The following IQCH variants were observed in gnomAD, a reference collection of about 807,000 sequenced individuals.
IQCH encodes the protein IQ motif containing H, also known as IQ domain-containing protein H.
In IQCH, 98 loss-of-function variants were observed where a neutral mutation model predicts 117.0. The observed-to-expected ratio is 0.84, with a 90% CI of 0.71 to 0.99. The LOEUF (loss-of-function observed/expected upper bound fraction) is 0.99. Among genes scored for constraint, IQCH ranks in the 50% least tolerant of loss-of-function variants. The pLI, the probability that IQCH is intolerant of heterozygous loss-of-function variation, is 0.00. For synonymous variants in IQCH, 412 were observed against 448.2 expected, an observed-to-expected ratio of 0.92 and a Z score of 1.02; for missense variants, 1,102 against 1,243.8, an observed-to-expected ratio of 0.89 and a Z score of 1.72.
intron 8 of IQCH, among the ~76,000 whole-genome samples, chr15:67,360,271 G>T (rs1970079083): frequency 6.6e-6 from 1 of 152,134 alleles, no homozygotes; most frequent in African/African-American, 2.4e-5. Context: ...GTGCTTATAT[G>T]TGTGCATGCA....
intron 4 of IQCH, among the ~76,000 whole-genome samples, chr15:67,335,298 A>G (rs1968842935): frequency 1.3e-5 from 2 of 152,218 alleles, no homozygotes; most frequent in Non-Finnish European, 2.9e-5. Flanking sequence ...TTGTCAGAGC[A>G]GGTTGTCAGG....
At chr15:67,338,633 A>T (rs1969009969) in intron 5 of IQCH, among the ~76,000 whole-genome samples, 1 of 152,204 alleles carries the variant, frequency 6.6e-6, no homozygotes, top group African/African-American at 2.4e-5. Context: ...TTGAAAAATG[A>T]ACTTCAAACT....
chr15:67,350,487 T>C (rs7496936), intron 6 of IQCH, among the ~76,000 whole-genome samples: 151,208 of 152,198 alleles, frequency 0.99, 75,123 homozygotes, highest in Middle Eastern at 1. Flanking sequence ...AGTGCAGTGG[T>C]GTGATCTCGG....
intron 12 of IQCH, among the ~76,000 whole-genome samples, chr15:67,389,438 G>A (rs769385647): frequency 6.6e-6 from 1 of 151,682 alleles, no homozygotes; most frequent in African/African-American, 2.4e-5. Flanking sequence ...AATTTGGCTC[G>A]ATTTACCATA....
chr15:67,258,228 CTG>C (rs979339239), intron 1 of IQCH, among the ~76,000 whole-genome samples: 10 of 123,226 alleles, frequency 8.1e-5, no homozygotes, highest in East Asian at 2.5e-4. Flanking sequence ...CAGCGAGACT[CTG>C]TGTCAAAAAA....
At chr15:67,375,478 C>T (rs1970705171) in intron 10 of IQCH, among the ~76,000 whole-genome samples, 1 of 152,016 alleles carries the variant, frequency 6.6e-6, no homozygotes, top group Non-Finnish European at 1.5e-5. Flanking sequence ...GTCAAAGAAG[C>T]TAGAAATAGA....
At chr15:67,438,553 C>A (rs372158488) in intron 16 of IQCH, among the ~76,000 whole-genome samples, 4 of 152,166 alleles carry the variant, frequency 2.6e-5, no homozygotes, top group African/African-American at 7.2e-5. Context: ...TGAAACAGTA[C>A]CTCATATTTC....
chr15:67,432,972 T>G lies in IQCH; in HGVS notation c.2505+11395T>G, dbSNP rs1482852363. On this transcript the variant is annotated intron_variant, in intron 16 of 20. Transcript: ENST00000335894. The surrounding 1 kb of genome is among the most constrained non-coding windows in gnomAD (Gnocchi z 5.0). ...CAAGGAAGCTCAATGAGATTTACTT[T>G]TTCTCTTTAGGGAAAGTATTTTATT... is the stretch of plus-strand genomic sequence containing the variant. Among the ~76,000 whole-genome samples, 1 of 152,238 alleles carries G rather than the reference T, an allele frequency of 6.6e-6. No individual in the cohort carries two copies. Among genetic ancestry groups the G allele is most frequent in the Non-Finnish European group, 1.5e-5 (1 of 68,038 alleles).
In IQCH at chr15:67,445,384, T is replaced by C. The variant is rs1258722259; in HGVS notation, c.2506-19743T>C. On this transcript the variant is annotated intron_variant, in intron 16 of 20. Transcript: ENST00000335894. This position sits in a 1 kb window ranked among gnomAD's most constrained non-coding sequence, Gnocchi z 4.3. The stretch of plus-strand genomic sequence containing the variant: ...ATTGCTTCTTTTCTTAAAGACTTTA[T>C]CTTCCCCTGTCATGTTACATTCCTA... 1.3e-5 allele frequency among the ~76,000 whole-genome samples: 2 copies of C among 152,202 alleles called. No homozygotes were observed. The highest frequency in any genetic ancestry group is 2.9e-5 in the Non-Finnish European group (2 of 68,032).
chr15:67,396,268 C>T (rs1037656578), intron 13 of IQCH, among the ~76,000 whole-genome samples: 1 of 152,124 alleles, frequency 6.6e-6, no homozygotes, highest in Non-Finnish European at 1.5e-5. Flanking sequence ...TGCAGAGGGC[C>T]TGTGAACAGA....
At chr15:67,400,718 C>T (rs1971627421) in intron 14 of IQCH, among the ~76,000 whole-genome samples, 1 of 151,154 alleles carries the variant, frequency 6.6e-6, no homozygotes, top group African/African-American at 2.4e-5. Context: ...AGGCTGGTCT[C>T]GAACTCCTGA....
Position 67,459,072 on chromosome 15 carries a change from A to G in IQCH, c.2506-6055A>G, listed in dbSNP as rs1409523556. 6.6e-6 allele frequency among the ~76,000 whole-genome samples: 1 copy of G among 152,238 alleles called. No homozygotes were observed. The highest frequency in any genetic ancestry group is 1.9e-4 in the East Asian group (1 of 5,200). ...ACTATCCCCAGTGAGTGATTAGTTAAGGAAAGTGTGGCCCGGAGAGGCAAC... is the reference window on the plus strand; with the variant it reads ...ACTATCCCCAGTGAGTGATTAGTTAGGGAAAGTGTGGCCCGGAGAGGCAAC... On this transcript the variant is annotated intron_variant, in intron 16 of 20. Coordinates refer to ENST00000335894, the MANE Select transcript of IQCH (RefSeq NM_001031715.3). This position sits in a 1 kb window ranked among gnomAD's most constrained non-coding sequence, Gnocchi z 4.2.
intron 16 of IQCH, among the ~76,000 whole-genome samples, chr15:67,446,872 C>T (rs560356360): frequency 1.2e-4 from 19 of 152,320 alleles, no homozygotes; most frequent in African/African-American, 4.1e-4. Flanking sequence ...TGTTAAGTGA[C>T]TTGCCCGAAG....
chr15:67,415,128 G>C (rs1189585610), intron 14 of IQCH, among the ~76,000 whole-genome samples: 3 of 152,162 alleles, frequency 2.0e-5, no homozygotes, highest in African/African-American at 7.2e-5. Flanking sequence ...AACAAAGAAG[G>C]GGTCCGGGTT....
Position 67,443,397 on chromosome 15 carries a change from A to T in IQCH, c.2506-21730A>T, listed in dbSNP as rs2082324984. Among the ~76,000 whole-genome samples, 1 of 152,172 alleles carries T rather than the reference A, an allele frequency of 6.6e-6. No individual in the cohort carries two copies. The highest frequency in any genetic ancestry group is 2.4e-5 in the African/African-American group (1 of 41,432). Reference sequence around the variant, plus strand: ...GCTATGAGGATTCAAAGGCATAAGAATGATACAATCGACTTTGGGGACTTG... The same window carrying T: ...GCTATGAGGATTCAAAGGCATAAGATTGATACAATCGACTTTGGGGACTTG... On this transcript the variant is annotated intron_variant, in intron 16 of 20. Transcript: ENST00000335894. This position sits in a 1 kb window ranked among gnomAD's most constrained non-coding sequence, Gnocchi z 5.0.
At chr15:67,305,347 A>G (rs1041054676) in intron 4 of IQCH, among the ~76,000 whole-genome samples, 2 of 152,144 alleles carry the variant, frequency 1.3e-5, no homozygotes, top group Middle Eastern at 3.2e-3. Flanking sequence ...TCATTCGTGT[A>G]ACCCTGAAAT....
rs569331251 is a variant in IQCH at position 67,470,685 on chromosome 15, A to G, written c.2677-5011A>G. ...TACATCTTCAACTCTTGTCTTCAAA[A>G]TCAAGTTTAATGGGGTTCTCATTTA... is the stretch of plus-strand genomic sequence containing the variant. On this transcript the variant is annotated intron_variant, in intron 17 of 20. Coordinates refer to ENST00000335894, the MANE Select transcript of IQCH (RefSeq NM_001031715.3). Among the ~76,000 whole-genome samples, 22 of 151,786 alleles carry G rather than the reference A, an allele frequency of 1.4e-4. No individual in the cohort carries two copies. The South Asian group carries it at 3.9e-3, about 27-fold the overall frequency.
At position 67,456,388 on chromosome 15, in the gene IQCH, T is replaced by C. The variant is rs2082657510; in HGVS notation, c.2506-8739T>C. On this transcript the variant is annotated intron_variant, in intron 16 of 20. Transcript: ENST00000335894. This position sits in a 1 kb window ranked among gnomAD's most constrained non-coding sequence, Gnocchi z 5.1. ...TCAGGAACTTGGGCTTTGATTCTAG[T>C]TCCTCCCCTAAATGTGGGACCTGAG... is the stretch of plus-strand genomic sequence containing the variant. Among the ~76,000 whole-genome samples, 1 of 151,938 alleles carries C rather than the reference T, an allele frequency of 6.6e-6. No individual in the cohort carries two copies. The highest frequency in any genetic ancestry group is 2.4e-5 in the African/African-American group (1 of 41,220).
rs1016721056 is a variant in IQCH, at chr15:67,463,648, T to G, written c.2506-1479T>G. The stretch of plus-strand genomic sequence containing the variant: ...ATAAAAACTGCAGGTACTTGATACA[T>G]GGGACCAGTTGTGTTTTTGTTGCTT... On this transcript the variant is annotated intron_variant, in intron 16 of 20. Coordinates refer to ENST00000335894, the MANE Select transcript of IQCH (RefSeq NM_001031715.3). This position sits in a 1 kb window ranked among gnomAD's most constrained non-coding sequence, Gnocchi z 4.0. Among the ~76,000 whole-genome samples, 6 of 152,204 alleles carry G rather than the reference T, an allele frequency of 3.9e-5. No individual in the cohort carries two copies. The highest frequency in any genetic ancestry group is 7.3e-5 in the Non-Finnish European group (5 of 68,038).
Sources: allele counts gnomAD v4.1 joint callset (sites outside exome capture counted in the v4.1 genomes callset), GRCh38; gene constraint gnomAD v4.1.1; non-coding constraint Gnocchi (gnomAD v3.1); transcripts MANE v1.5; gene names NCBI Gene and HGNC (gene_info 2026-07-23, HGNC 2026-07-21).